The following DMD variants were observed in gnomAD, a reference collection of about 807,000 sequenced individuals.
DMD encodes mutant dystrophin.
In DMD, 63 loss-of-function variants were observed where a neutral mutation model predicts 330.1. The ratio of observed to expected loss-of-function variants is 0.19; its 90% CI spans 0.16 to 0.24. The LOEUF is 0.24. Ranked by LOEUF, DMD falls within the 10% of genes least tolerant of loss-of-function variation. The pLI is 1.00. For synonymous variants in DMD, 1,223 were observed against 959.8 expected (o/e 1.27, Z -5.07); for missense variants, 3,344 against 2,684.1 (o/e 1.25, Z -5.43).
At chrX:32,229,102 T>A (rs965389564) in intron 43 of DMD, among the ~76,000 whole-genome samples, 2 of 111,044 alleles carry the variant, frequency 1.8e-5, no homozygotes, top group Non-Finnish European at 3.8e-5. Flanking sequence ...TTGTTTTTTT[T>A]AAGTGTCATT....
chrX:31,482,979 C>T (rs758644816), intron 57 of DMD, among the ~76,000 whole-genome samples: 3 of 108,050 alleles, frequency 2.8e-5, no homozygotes, highest in Non-Finnish European at 3.8e-5. Context: ...ATATATGTTA[C>T]GACCTTGACA....
At chrX:31,853,965 G>C (rs1025565209) in intron 48 of DMD, among the ~76,000 whole-genome samples, 6 of 111,832 alleles carry the variant, frequency 5.4e-5, no homozygotes, top group Admixed American at 1.9e-4. Context: ...GAGATGTCAT[G>C]AGAGAGTGGA....
At chrX:32,798,971 T>C (rs903732595) in intron 7 of DMD, among the ~76,000 whole-genome samples, 13 of 111,454 alleles carry the variant, frequency 1.2e-4, no homozygotes, top group African/African-American at 4.2e-4. Context: ...CGGAAAAAAG[T>C]TAAAACAGCC....
At chrX:31,626,705 AGAG>A (rs956452623) in intron 55 of DMD, among the ~76,000 whole-genome samples, 20 of 111,858 alleles carry the variant, frequency 1.8e-4, no homozygotes, top group African/African-American at 6.2e-4. Flanking sequence ...GATAGGAGGG[AGAG>A]GAGAAGAACT....
intron 67 of DMD, 148 bp downstream of exon 67, chrX:31,203,813 G>T: frequency 2.0e-6 from 1 of 506,098 alleles, no homozygotes; most frequent in South Asian, 3.2e-5. Context: ...TCCAGAAGCT[G>T]CTTACTTACA....
chrX:31,792,557 A>G (rs1569417931), intron 50 of DMD, among the ~76,000 whole-genome samples: 2 of 112,703 alleles, frequency 1.8e-5, no homozygotes, highest in Admixed American at 9.4e-5. Context: ...TTATTACTGA[A>G]TAATTACTAA....
intron 55 of DMD, among the ~76,000 whole-genome samples, chrX:31,585,821 CCT>C: frequency 9.0e-6 from 1 of 111,505 alleles, no homozygotes; most frequent in Non-Finnish European, 1.9e-5. Flanking sequence ...TTATCAGGCC[CCT>C]CTCATAACTA....
At chrX:32,180,496 G>C (rs760826712) in intron 44 of DMD, among the ~76,000 whole-genome samples, 173 of 111,363 alleles carry the variant, frequency 1.6e-3, no homozygotes, top group African/African-American at 5.4e-3. Context: ...TACAGAGAGA[G>C]GTGGGCTTGG....
chrX:31,125,265 A>C (rs1262966203), intron 78 of DMD, among the ~76,000 whole-genome samples: 1 of 111,976 alleles, frequency 8.9e-6, no homozygotes, highest in Admixed American at 9.5e-5. Context: ...GCAAACCGTC[A>C]GGGGCATTCA....
intron 1 of DMD, among the ~76,000 whole-genome samples, chrX:33,069,176 G>C (rs762624136): frequency 6.3e-5 from 7 of 111,399 alleles, no homozygotes; most frequent in Admixed American, 1.9e-4. Flanking sequence ...CAGTTGAGTA[G>C]TTGCTCAGCA....
chrX:31,641,395 C>T (rs749848295), intron 54 of DMD, among the ~76,000 whole-genome samples: 17 of 104,673 alleles, frequency 1.6e-4, no homozygotes, highest in African/African-American at 5.2e-4. Flanking sequence ...CCCAGCCACT[C>T]GGGAGGCTGA....
At chrX:32,252,721 T>TAA (rs1198008482) in intron 43 of DMD, among the ~76,000 whole-genome samples, 2 of 46,905 alleles carry the variant, frequency 4.3e-5, no homozygotes, top group African/African-American at 1.0e-4. Flanking sequence ...TATAAATATA[T>TAA]ATAAATATAT....
At chrX:31,352,888 G>T (rs1038718601) in intron 60 of DMD, among the ~76,000 whole-genome samples, 5 of 111,560 alleles carry the variant, frequency 4.5e-5, no homozygotes, top group Non-Finnish European at 7.5e-5. Context: ...GCAAGGAAAT[G>T]AAATTTGATA....
At chrX:31,686,924 G>A (rs1224317373) in intron 52 of DMD, among the ~76,000 whole-genome samples, 3 of 111,851 alleles carry the variant, frequency 2.7e-5, no homozygotes, top group Non-Finnish European at 3.8e-5. Flanking sequence ...TTCTCGTTAA[G>A]GAGAAGAGAG....
chrX:31,149,364 A>G (rs1267345901), intron 74 of DMD, among the ~76,000 whole-genome samples: 2 of 112,190 alleles, frequency 1.8e-5, no homozygotes, highest in African/African-American at 6.5e-5. Flanking sequence ...CTTTAAATCA[A>G]TTGATGTCTG....
chrX:31,812,601 A>T (rs2092495918), intron 50 of DMD, among the ~76,000 whole-genome samples: 2 of 111,480 alleles, frequency 1.8e-5, no homozygotes, highest in Non-Finnish European at 1.9e-5. Flanking sequence ...ATAAATAAAT[A>T]AAACAAATAA....
intron 40 of DMD, 43 bp from the exon 41 acceptor site, chrX:32,342,325 C>T: frequency 8.5e-7 from 1 of 1,174,136 alleles, no homozygotes; most frequent in Non-Finnish European, 1.2e-6. Flanking sequence ...AGTTAGCTAA[C>T]CACATCAACC....
chrX:32,054,131 G>C (rs186067512), intron 44 of DMD, among the ~76,000 whole-genome samples: 1,340 of 100,166 alleles, frequency 0.013, 27 homozygotes, highest in African/African-American at 0.044. Flanking sequence ...GAGAGAGAGA[G>C]AGAGAAGAGG....
In DMD at chrX:32,809,595, A is replaced by G. The variant is rs777407984; in HGVS notation, c.547T>C (p.Trp183Arg). Residue 183 changes from tryptophan to arginine, a missense_variant, in exon 7 of 79, where the codon TGG (tryptophan) becomes CGG (arginine). By Grantham distance (101) the Trp-to-Arg change is moderately radical (BLOSUM62 -3). Coordinates refer to ENST00000357033, the MANE Select transcript of DMD (RefSeq NM_004006.3). ...GACTGCTGGCAAACCACACTATTCCAGTCAAATAGGTCTGGCCTAAAACAC... is the reference window on the plus strand; with the variant it reads ...GACTGCTGGCAAACCACACTATTCCGGTCAAATAGGTCTGGCCTAAAACAC... ...IHSHRPDLFDWNSVVCQQSAT... is the reference protein window; with the variant it reads ...IHSHRPDLFDRNSVVCQQSAT... 1 of 1,210,306 alleles carries G rather than the reference A, an allele frequency of 8.3e-7. No homozygotes were observed. The highest frequency in any genetic ancestry group is 1.1e-6 in the Non-Finnish European group (1 of 894,516).
Sources: gnomAD v4.1 joint callset for allele counts (sites outside exome capture counted in the v4.1 genomes callset) on GRCh38, gnomAD v4.1.1 for gene constraint, MANE v1.5 for transcripts, NCBI Gene and HGNC (gene_info 2026-07-23, HGNC 2026-07-21) for gene names.